RIN3: variants seen among roughly 807,000 people sequenced by gnomAD.
RIN3 encodes the protein RAB5 interacting protein 3.
A neutral mutation model predicts 76.3 loss-of-function variants in RIN3; 54 were observed. The observed-to-expected ratio is 0.71, with a 90% CI of 0.57 to 0.89. The LOEUF (loss-of-function observed/expected upper bound fraction) is 0.89. Among genes scored for constraint, RIN3 ranks in the 40% least tolerant of loss-of-function variants. The pLI is 0.00. For missense variants in RIN3, 1,256 were observed against 1,322.1 expected, an observed-to-expected ratio of 0.95 and a Z score of 0.78; for synonymous variants, 576 against 564.0, an observed-to-expected ratio of 1.02 and a Z score of -0.30.
intron 4 of RIN3, among the ~76,000 whole-genome samples, chr14:92,632,867 A>C (rs932492013): frequency 6.6e-6 from 1 of 152,230 alleles, no homozygotes; most frequent in Non-Finnish European, 1.5e-5. Context: ...GAGTGGCTTC[A>C]TGGGCAGAAC....
At chr14:92,674,924 C>T (rs1888409623) in intron 7 of RIN3, among the ~76,000 whole-genome samples, 1 of 151,504 alleles carries the variant, frequency 6.6e-6, no homozygotes, top group Admixed American at 6.6e-5. Flanking sequence ...AAAGTTGCCT[C>T]CTCCCTCCCC....
chr14:92,542,336 G>A (rs1041281341), intron 1 of RIN3, among the ~76,000 whole-genome samples: 12 of 152,032 alleles, frequency 7.9e-5, no homozygotes, highest in Non-Finnish European at 8.8e-5. Flanking sequence ...AATAGCCACC[G>A]TAGAACTGCA....
intron 4 of RIN3, among the ~76,000 whole-genome samples, chr14:92,631,011 G>C (rs1056230016): frequency 2.8e-4 from 42 of 152,302 alleles, no homozygotes; most frequent in African/African-American, 9.6e-4. Flanking sequence ...CTAAGTCCTG[G>C]AGGCAGCAGG....
At chr14:92,625,660 A>G (rs963153159) in intron 4 of RIN3, among the ~76,000 whole-genome samples, 2 of 151,874 alleles carry the variant, frequency 1.3e-5, no homozygotes, top group African/African-American at 4.8e-5. Context: ...CATTTCCAGG[A>G]TTATTTGACC....
intron 3 of RIN3, among the ~76,000 whole-genome samples, chr14:92,614,047 G>A (rs1885855072): frequency 2.0e-5 from 3 of 152,320 alleles, no homozygotes; most frequent in East Asian, 1.9e-4. Context: ...GCAGAGCATG[G>A]TGCCGTGTTC....
Position 92,514,011 on chromosome 14 carries a change from A to G in RIN3, c.44+35A>G. 9.0e-6 allele frequency: 11 copies of G among 1,218,548 alleles called. No homozygotes were observed. The highest frequency in any genetic ancestry group is 1.1e-5 in the Non-Finnish European group (11 of 974,118). 75.5% of individuals were successfully genotyped at this position (1,218,548 alleles called of 1,614,324 possible). A position where few individuals can be genotyped will look rare whatever the true frequency, so the allele number is the denominator to read the frequency against. On this transcript the variant is annotated intron_variant, in intron 1 of 9. Coordinates refer to ENST00000216487, the MANE Select transcript of RIN3 (RefSeq NM_024832.5). This position sits in a 1 kb window ranked among gnomAD's most constrained non-coding sequence, Gnocchi z 7.2. ...GGCGGCCGCCCCCTCCTCCCTCGCGATCCCCACGGCCCGCGTCCTGGCCGC... is the reference window on the plus strand; with the variant it reads ...GGCGGCCGCCCCCTCCTCCCTCGCGGTCCCCACGGCCCGCGTCCTGGCCGC...
intron 3 of RIN3, among the ~76,000 whole-genome samples, chr14:92,580,113 A>G (rs1164047113): frequency 1.3e-5 from 2 of 152,388 alleles, no homozygotes; most frequent in Admixed American, 6.5e-5. Flanking sequence ...ACAGTGGCTC[A>G]AGCCTGTAAT....
chr14:92,613,916 TTGAG>T (rs1254744681), intron 3 of RIN3, among the ~76,000 whole-genome samples: 1 of 152,130 alleles, frequency 6.6e-6, no homozygotes, highest in East Asian at 1.9e-4. Flanking sequence ...GCATGACCAT[TTGAG>T]TGTGAGGATG....
chr14:92,514,432 G>A lies in RIN3; in HGVS notation c.44+456G>A, dbSNP rs1896380055. Among the ~76,000 whole-genome samples the A allele has an allele frequency of 6.6e-6, 1 of 152,234 alleles. No individual in the cohort carries two copies. Among genetic ancestry groups the A allele is most frequent in the South Asian group, 2.1e-4 (1 of 4,832 alleles). ...GCCCTCGGGTACTAGAGCCCCGCTGGGCGTGGGGTCGGAGACCCGGACCCC... is the reference window on the plus strand; with the variant it reads ...GCCCTCGGGTACTAGAGCCCCGCTGAGCGTGGGGTCGGAGACCCGGACCCC... On this transcript the variant is annotated intron_variant, in intron 1 of 9. Transcript: ENST00000216487. The surrounding 1 kb of genome is among the most constrained non-coding windows in gnomAD (Gnocchi z 7.2).
intron 1 of RIN3, among the ~76,000 whole-genome samples, chr14:92,543,193 G>A (rs57571731): frequency 7.9e-5 from 12 of 152,048 alleles, no homozygotes; most frequent in East Asian, 1.9e-4. Context: ...TGTTCCAGCC[G>A]GAAAACAGAA....
At chr14:92,543,476 AG>A (rs995066157) in intron 1 of RIN3, among the ~76,000 whole-genome samples, 1 of 152,118 alleles carries the variant, frequency 6.6e-6, no homozygotes, top group African/African-American at 2.4e-5. Flanking sequence ...TGTTAGGGTT[AG>A]GCTCTCAAAA....
chr14:92,514,041 C>T lies in RIN3; in HGVS notation c.44+65C>T. 1.8e-6 allele frequency: 2 copies of T among 1,085,070 alleles called. No individual in the cohort carries two copies. Among genetic ancestry groups the T allele is most frequent in the Non-Finnish European group, 2.3e-6 (2 of 852,110 alleles). 67.2% of individuals were successfully genotyped at this position (1,085,070 alleles called of 1,614,324 possible). A position where few individuals can be genotyped will look rare whatever the true frequency, so the allele number is the denominator to read the frequency against. ...CACGGCCCGCGTCCTGGCCGCCCCA[C>T]TCCACTTCTTGTCCCAGAGAGTCCT... On this transcript the variant is annotated intron_variant, in intron 1 of 9. Coordinates refer to ENST00000216487, the MANE Select transcript of RIN3 (RefSeq NM_024832.5). The surrounding 1 kb of genome is among the most constrained non-coding windows in gnomAD (Gnocchi z 7.2).
intron 7 of RIN3, among the ~76,000 whole-genome samples, chr14:92,674,615 G>C (rs183699121): frequency 6.6e-5 from 10 of 152,116 alleles, no homozygotes; most frequent in Non-Finnish European, 1.5e-4. Flanking sequence ...AAGGCCGGGC[G>C]CTGTGGCTCA....
intron 2 of RIN3, among the ~76,000 whole-genome samples, chr14:92,559,700 T>C (rs1310076501): frequency 6.6e-6 from 1 of 152,114 alleles, no homozygotes; most frequent in Non-Finnish European, 1.5e-5. Context: ...GACACCAAGC[T>C]GGGCCATGAA....
chr14:92,560,331 G>T (rs1182193024), intron 2 of RIN3, among the ~76,000 whole-genome samples: 1 of 152,130 alleles, frequency 6.6e-6, no homozygotes, highest in Non-Finnish European at 1.5e-5. Flanking sequence ...AGCTGGGCCA[G>T]CCCTGAGAAC....
In RIN3 at chr14:92,676,628, A is replaced by G. The variant is rs1205689316; in HGVS notation, c.2467+22A>G. On this transcript the variant is annotated intron_variant, in intron 8 of 9. Coordinates refer to ENST00000216487, the MANE Select transcript of RIN3 (RefSeq NM_024832.5). ...GAGGGTGAGTCACCACCCCCTGCCC[A>G]TCAGGTGCATTGCACACCCCCAACT... 3 of 1,610,056 alleles carry G rather than the reference A, an allele frequency of 1.9e-6. No individual in the cohort carries two copies. In the African/African-American group the frequency reaches 4.0e-5, roughly 22 times the overall value.
At chr14:92,661,218 T>C (rs200828012) in intron 7 of RIN3, among the ~76,000 whole-genome samples, 1 of 152,160 alleles carries the variant, frequency 6.6e-6, no homozygotes, top group African/African-American at 2.4e-5. Flanking sequence ...AATGTGGCTG[T>C]GTTAAAAGAG....
At chr14:92,575,160 C>A (rs1204031942) in intron 2 of RIN3, among the ~76,000 whole-genome samples, 1 of 151,952 alleles carries the variant, frequency 6.6e-6, no homozygotes, top group African/African-American at 2.4e-5. Context: ...TTATATATAA[C>A]AACTATAGAA....
At chr14:92,529,869 GT>G (rs1896839034) in intron 1 of RIN3, among the ~76,000 whole-genome samples, 1 of 152,198 alleles carries the variant, frequency 6.6e-6, no homozygotes. Flanking sequence ...GCATGAGTTA[GT>G]TCTGTTGCTG....
Sources: gnomAD v4.1 joint callset for allele counts (sites outside exome capture counted in the v4.1 genomes callset) on GRCh38, gnomAD v4.1.1 for gene constraint, Gnocchi (gnomAD v3.1) non-coding constraint, MANE v1.5 for transcripts, NCBI Gene and HGNC (gene_info 2026-07-23, HGNC 2026-07-21) for gene names.